The following AMPH variants were observed in gnomAD, a reference collection of about 807,000 sequenced individuals.
AMPH encodes amphiphysin.
A neutral mutation model predicts 99.1 loss-of-function variants in AMPH; 49 were observed. That is an observed-to-expected ratio of 0.49 (90% confidence interval 0.39 to 0.63). The LOEUF (loss-of-function observed/expected upper bound fraction) is 0.63. Among genes scored for constraint, AMPH ranks in the 20% least tolerant of loss-of-function variants. The probability of loss-of-function intolerance (pLI) is 0.00; values close to 1 mark genes in which losing one functional copy is unlikely to be tolerated. For missense variants in AMPH, 759 were observed against 863.4 expected (o/e 0.88, Z 1.52); for synonymous variants, 314 against 317.3 (o/e 0.99, Z 0.11).
At chr7:38,434,331 A>C (rs1786172148) in intron 12 of AMPH, among the ~76,000 whole-genome samples, 3 of 152,220 alleles carry the variant, frequency 2.0e-5, no homozygotes, top group African/African-American at 7.2e-5. Context: ...GTAATCATGA[A>C]TTAACATAAA....
At chr7:38,482,106 C>T (rs1302625968) in intron 5 of AMPH, among the ~76,000 whole-genome samples, 1 of 152,096 alleles carries the variant, frequency 6.6e-6, no homozygotes, top group African/African-American at 2.4e-5. Context: ...AATAGCATAG[C>T]TATTACAAGT....
rs1033116778 is a variant in AMPH, at chr7:38,426,998, C to G, written c.1183-12G>C. ...GAACCACCAGAAGCCTAAACAGAAA[C>G]GAAAATCAGATTGTGTTATTATTTT... On this transcript the variant is annotated splice_polypyrimidine_tract_variant and intron_variant, in intron 14 of 20. Transcript: ENST00000356264. 4 of 1,610,140 alleles carry G rather than the reference C, an allele frequency of 2.5e-6. No homozygotes were observed. Among genetic ancestry groups the G allele is most frequent in the Non-Finnish European group, 3.4e-6 (4 of 1,176,948 alleles).
chr7:38,475,234 T>G, intron 7 of AMPH, 97 bp downstream of exon 7: 1 of 808,770 alleles, frequency 1.2e-6, no homozygotes, highest in Non-Finnish European at 2.0e-6. Context: ...TGGACAGTGT[T>G]GAAATGTCAC....
chr7:38,580,362 C>T (rs1353981547), intron 1 of AMPH, among the ~76,000 whole-genome samples: 3 of 152,124 alleles, frequency 2.0e-5, no homozygotes, highest in Admixed American at 6.6e-5. Context: ...AATGCACAAT[C>T]GCAAAATAAA....
chr7:38,523,302 C>T (rs186529481), intron 2 of AMPH, among the ~76,000 whole-genome samples: 2 of 152,074 alleles, frequency 1.3e-5, no homozygotes, highest in Admixed American at 6.5e-5. Context: ...AAGTATGATA[C>T]CCTAGAAACA....
At chr7:38,625,463 C>T (rs1398408534) in intron 1 of AMPH, among the ~76,000 whole-genome samples, 1 of 152,086 alleles carries the variant, frequency 6.6e-6, no homozygotes, top group Admixed American at 6.6e-5. Flanking sequence ...AAACTTAATC[C>T]TCACATAAGA....
chr7:38,461,076 C>T (rs375815332), intron 11 of AMPH, among the ~76,000 whole-genome samples: 7 of 152,020 alleles, frequency 4.6e-5, no homozygotes, highest in Admixed American at 3.3e-4. Context: ...TATATACTAC[C>T]CTTAATTAAA....
chr7:38,502,414 A>C (rs1217124209), intron 3 of AMPH, among the ~76,000 whole-genome samples: 4 of 152,152 alleles, frequency 2.6e-5, no homozygotes, highest in Admixed American at 6.5e-5. Context: ...ATGTGCTCAG[A>C]GTTCTGAGCT....
At chr7:38,498,043 A>C (rs1227451351) in intron 3 of AMPH, among the ~76,000 whole-genome samples, 1 of 151,988 alleles carries the variant, frequency 6.6e-6, no homozygotes, top group Non-Finnish European at 1.5e-5. Context: ...TGGATGTCTT[A>C]CTAATACCTC....
At chr7:38,576,470 A>T (rs1026839021) in intron 1 of AMPH, among the ~76,000 whole-genome samples, 1 of 152,096 alleles carries the variant, frequency 6.6e-6, no homozygotes, top group Non-Finnish European at 1.5e-5. Context: ...TCTTGTTTTC[A>T]TACTTAGCCA....
At chr7:38,438,828 A>C (rs1328184634) in intron 11 of AMPH, among the ~76,000 whole-genome samples, 2 of 152,200 alleles carry the variant, frequency 1.3e-5, no homozygotes, top group African/African-American at 4.8e-5. Flanking sequence ...AAAGATGATA[A>C]ATGCACATGT....
At chr7:38,621,377 A>C (rs1170900890) in intron 1 of AMPH, among the ~76,000 whole-genome samples, 1 of 152,216 alleles carries the variant, frequency 6.6e-6, no homozygotes, top group Admixed American at 6.5e-5. Flanking sequence ...CAGCTCTGTC[A>C]ACTGCTATAT....
chr7:38,453,414 A>G (rs191577051), intron 11 of AMPH, among the ~76,000 whole-genome samples: 29 of 152,338 alleles, frequency 1.9e-4, no homozygotes, highest in Non-Finnish European at 3.7e-4. Context: ...CAGGAGCTGC[A>G]GCTGGAACAT....
At chr7:38,615,136 G>C (rs1447221953) in intron 1 of AMPH, among the ~76,000 whole-genome samples, 2 of 152,096 alleles carry the variant, frequency 1.3e-5, no homozygotes, top group Admixed American at 1.3e-4. Context: ...TGAGACTTCC[G>C]AGATCAATTC....
chr7:38,568,412 C>T (rs1791823227), intron 1 of AMPH, among the ~76,000 whole-genome samples: 1 of 152,152 alleles, frequency 6.6e-6, no homozygotes, highest in African/African-American at 2.4e-5. Flanking sequence ...TTGCAGTAAG[C>T]CAAGATTGTG....
intron 4 of AMPH, among the ~76,000 whole-genome samples, chr7:38,494,019 C>T (rs1353350729): frequency 2.6e-5 from 4 of 152,118 alleles, no homozygotes; most frequent in Admixed American, 6.6e-5. Flanking sequence ...TACAGTGGTG[C>T]GATCTTGGCT....
At chr7:38,472,425 C>T (rs753120452) in intron 7 of AMPH, among the ~76,000 whole-genome samples, 13 of 152,026 alleles carry the variant, frequency 8.6e-5, no homozygotes, top group Non-Finnish European at 1.6e-4. Flanking sequence ...TTTTTAAATG[C>T]TACCTTTAGG....
At chr7:38,446,274 T>C (rs1786775801) in intron 11 of AMPH, among the ~76,000 whole-genome samples, 1 of 152,214 alleles carries the variant, frequency 6.6e-6, no homozygotes, top group Non-Finnish European at 1.5e-5. Context: ...AAATTAAATT[T>C]ATTCCTAACA....
At chr7:38,548,997 A>G (rs1791089735) in intron 1 of AMPH, among the ~76,000 whole-genome samples, 1 of 152,216 alleles carries the variant, frequency 6.6e-6, no homozygotes, top group African/African-American at 2.4e-5. Context: ...CTATTGGCAC[A>G]GCTGCCGGCA....
Sources: allele counts gnomAD v4.1 joint callset (sites outside exome capture counted in the v4.1 genomes callset), GRCh38; gene constraint gnomAD v4.1.1; transcripts MANE v1.5; gene names NCBI Gene and HGNC (gene_info 2026-07-23, HGNC 2026-07-21).